FER: variants seen among roughly 807,000 people sequenced by gnomAD.
The protein encoded by FER is FER tyrosine kinase, also known as tyrosine-protein kinase Fer.
FER carries 63 observed loss-of-function variants against 111.0 expected under a neutral mutation model. The observed-to-expected ratio is 0.57, with a 90% CI of 0.46 to 0.70. The LOEUF is 0.70. Among genes scored for constraint, FER ranks in the 30% least tolerant of loss-of-function variants. The pLI is 0.00. For synonymous variants in FER, 327 were observed against 313.9 expected, an observed-to-expected ratio of 1.04 and a Z score of -0.44; for missense variants, 914 against 954.0, an observed-to-expected ratio of 0.96 and a Z score of 0.55.
intron 17 of FER, among the ~76,000 whole-genome samples, chr5:109,113,283 A>G (rs1002360421): frequency 5.9e-5 from 9 of 152,126 alleles, no homozygotes; most frequent in Non-Finnish European, 1.2e-4. Flanking sequence ...TTACATATCT[A>G]TGACTTGAGG....
chr5:108,902,195 T>C lies in FER; in HGVS notation c.1236+4347T>C, dbSNP rs1174532903. On this transcript the variant is annotated intron_variant, in intron 10 of 19. Coordinates refer to ENST00000281092, the MANE Select transcript of FER (RefSeq NM_005246.4). ...TCTATTAAAGAGGAAAAAAACGGGC[T>C]ATAAGAATACACATCTTTAGAGCAT... 2.0e-5 allele frequency among the ~76,000 whole-genome samples: 3 copies of C among 152,292 alleles called. No homozygotes were observed. In the East Asian group the frequency reaches 5.8e-4, roughly 29 times the overall value.
chr5:109,024,172 A>G (rs1768334933), intron 13 of FER, among the ~76,000 whole-genome samples: 1 of 152,150 alleles, frequency 6.6e-6, no homozygotes, highest in Non-Finnish European at 1.5e-5. Flanking sequence ...CATAGAACAG[A>G]AGACTATTTC....
intron 9 of FER, among the ~76,000 whole-genome samples, chr5:108,884,113 T>C (rs144110050): frequency 2.0e-4 from 31 of 152,024 alleles, no homozygotes; most frequent in Admixed American, 1.9e-3. Context: ...AAGTTTCTAA[T>C]CTGCTTTTAT....
intron 9 of FER, chr5:108,894,605 G>T (rs1188574190): frequency 1.9e-5 from 7 of 373,200 alleles, no homozygotes; most frequent in Admixed American, 1.7e-4. Context: ...TGCCCTCAAG[G>T]GACTTGAAAA....
At chr5:109,069,285 C>T (rs1775493198) in intron 16 of FER, among the ~76,000 whole-genome samples, 1 of 152,064 alleles carries the variant, frequency 6.6e-6, no homozygotes, top group Admixed American at 6.6e-5. Flanking sequence ...TTGTAATAGG[C>T]AAGAGTTTGG....
At chr5:108,890,812 G>T (rs1261387648) in intron 9 of FER, among the ~76,000 whole-genome samples, 1 of 152,022 alleles carries the variant, frequency 6.6e-6, no homozygotes, top group Non-Finnish European at 1.5e-5. Flanking sequence ...AGGATGTTTG[G>T]TTTGTTTCTA....
At chr5:109,137,242 T>G (rs1465477896) in intron 17 of FER, among the ~76,000 whole-genome samples, 7 of 152,140 alleles carry the variant, frequency 4.6e-5, no homozygotes, top group Non-Finnish European at 1.0e-4. Context: ...ACTGTAAGAC[T>G]TTACCCTTGG....
At chr5:109,158,637 A>C (rs1441008658) in intron 17 of FER, among the ~76,000 whole-genome samples, 1 of 152,170 alleles carries the variant, frequency 6.6e-6, no homozygotes, top group Non-Finnish European at 1.5e-5. Flanking sequence ...TAGTGGCTCA[A>C]CATTGCCTTC....
In FER at chr5:108,767,354, A is replaced by G. The variant is rs184912850; in HGVS notation, c.-205-739A>G. The stretch of plus-strand genomic sequence containing the variant: ...ATAAAACATATGAAGTGGAGAAAGT[A>G]TGTGTTTGCTGGGGGAATCCTTCCC... On this transcript the variant is annotated intron_variant, in intron 1 of 19. Coordinates refer to ENST00000281092, the MANE Select transcript of FER (RefSeq NM_005246.4). 2.1e-3 allele frequency among the ~76,000 whole-genome samples: 317 copies of G among 152,298 alleles called. 3 individuals carry two copies. Among genetic ancestry groups the G allele is most frequent in the African/African-American group, 7.1e-3 (294 of 41,560 alleles).
At chr5:109,007,432 C>G (rs1336194387) in intron 13 of FER, among the ~76,000 whole-genome samples, 1 of 149,650 alleles carries the variant, frequency 6.7e-6, no homozygotes, top group Non-Finnish European at 1.5e-5. Context: ...AGAACAATTG[C>G]ATCAGCTCCC....
At chr5:108,923,082 T>G (rs566358725) in intron 10 of FER, among the ~76,000 whole-genome samples, 8 of 152,250 alleles carry the variant, frequency 5.3e-5, no homozygotes, top group African/African-American at 1.4e-4. Context: ...AGAAACTATT[T>G]CATAGGGTTA....
chr5:108,852,108 G>T (rs571817259), intron 5 of FER, among the ~76,000 whole-genome samples: 1 of 152,164 alleles, frequency 6.6e-6, no homozygotes, highest in African/African-American at 2.4e-5. Context: ...TTTATAAGCC[G>T]TCATTTACCC....
chr5:109,073,753 AC>A (rs1776023982), intron 16 of FER, among the ~76,000 whole-genome samples: 1 of 151,248 alleles, frequency 6.6e-6, no homozygotes, highest in Non-Finnish European at 1.5e-5. Context: ...GCCCTGCAGA[AC>A]CCACTTACAT....
intron 13 of FER, among the ~76,000 whole-genome samples, chr5:109,001,016 C>T (rs896453935): frequency 1.6e-4 from 24 of 152,236 alleles, no homozygotes; most frequent in African/African-American, 5.8e-4. Flanking sequence ...TAATCAATAG[C>T]TTACCAACCA....
chr5:108,910,912 C>A (rs1751459007), intron 10 of FER, among the ~76,000 whole-genome samples: 1 of 151,962 alleles, frequency 6.6e-6, no homozygotes, highest in Non-Finnish European at 1.5e-5. Flanking sequence ...TAGGTTGATT[C>A]CATGACTTTG....
chr5:109,101,146 G>A (rs985205347), intron 17 of FER, among the ~76,000 whole-genome samples: 5 of 151,828 alleles, frequency 3.3e-5, no homozygotes, highest in Admixed American at 1.3e-4. Context: ...TGCTTGTAGC[G>A]GGAATTGTTT....
intron 16 of FER, among the ~76,000 whole-genome samples, chr5:109,092,284 CAAAAAAAAAA>C (rs70999914): frequency 4.9e-5 from 2 of 40,426 alleles, no homozygotes; most frequent in African/African-American, 1.6e-4. Context: ...CTTATGATGG[CAAAAAAAAAA>C]AAAAAAAAAA....
chr5:108,938,017 ATC>A (rs141336704), intron 10 of FER, among the ~76,000 whole-genome samples: 4,761 of 98,690 alleles, frequency 0.048, 102 homozygotes, highest in African/African-American at 0.093. Flanking sequence ...TTTTTTCCCT[ATC>A]TCTCTCTCAC....
At chr5:108,957,666 G>A (rs1053912148) in intron 12 of FER, among the ~76,000 whole-genome samples, 1 of 151,536 alleles carries the variant, frequency 6.6e-6, no homozygotes, top group Non-Finnish European at 1.5e-5. Flanking sequence ...GCTTATTGCA[G>A]TACTATTCAC....
Sources: gnomAD v4.1 joint callset for allele counts (sites outside exome capture counted in the v4.1 genomes callset) on GRCh38, gnomAD v4.1.1 for gene constraint, MANE v1.5 for transcripts, NCBI Gene and HGNC (gene_info 2026-07-23, HGNC 2026-07-21) for gene names.